PDCD1: variants seen among roughly 807,000 people sequenced by gnomAD.
PDCD1 encodes programmed cell death protein 1.
A neutral mutation model predicts 23.6 loss-of-function variants in PDCD1; 10 were observed. The observed-to-expected ratio is 0.42, with a 90% CI of 0.26 to 0.72. The LOEUF is 0.72. Ranked by LOEUF, PDCD1 falls within the 30% of genes least tolerant of loss-of-function variation. PDCD1 has a pLI of 0.24. For missense variants in PDCD1, 313 were observed against 397.8 expected (o/e 0.79, Z 1.81); for synonymous variants, 168 against 169.3 (o/e 0.99, Z 0.06).
intron 1 of PDCD1, among the ~76,000 whole-genome samples, chr2:241,854,678 GCCCT>G (rs943432028): frequency 6.6e-6 from 1 of 152,116 alleles, no homozygotes; most frequent in African/African-American, 2.4e-5. Context: ...GAAATGCCCT[GCCCT>G]CTGGGTTTCT....
chr2:241,852,005 G>A, intron 3 of PDCD1, 22 bp from the exon 4 acceptor site: 1 of 1,610,586 alleles, frequency 6.2e-7, no homozygotes, highest in East Asian at 2.2e-5. Flanking sequence ...CACACTTGGG[G>A]TCACCAGGCC....
At chr2:241,855,922 TC>T (rs1382859985) in intron 1 of PDCD1, among the ~76,000 whole-genome samples, 4 of 152,056 alleles carry the variant, frequency 2.6e-5, no homozygotes, top group Non-Finnish European at 4.4e-5. Flanking sequence ...TATGTGGAAG[TC>T]CTAACCCCAT....
chr2:241,851,971 G>T lies in PDCD1; in HGVS notation c.605C>A (p.Ala202Asp), dbSNP rs751280778. The T allele has an allele frequency of 1.2e-6, 2 of 1,613,602 alleles. No individual in the cohort carries two copies. The highest frequency in any genetic ancestry group is 1.7e-6 in the Non-Finnish European group (2 of 1,179,854). Residue 202 changes from alanine to aspartate, a missense_variant, in exon 4 of 5, where the codon GCC becomes GAC. Transcript: ENST00000334409. ...CSRAARGTIGARRTGQPLKED... is the reference protein window; with the variant it reads ...CSRAARGTIGDRRTGQPLKED... The stretch of plus-strand genomic sequence containing the variant: ...CACCAGGGGCTGGCCGGTGCGCCTG[G>T]CTCCTATTGTCCCTGCAGAGAAACA...
rs55721013 is a variant in PDCD1, at chr2:241,850,620, G to A, written c.*438C>T. ...GGCGTTTCGGGATGCCACTGCCAGG[G>A]GCACCTTGGCTGCTCCAAGGCCATC... On this transcript the variant is annotated 3_prime_UTR_variant, in exon 5 of 5. Coordinates refer to ENST00000334409, the MANE Select transcript of PDCD1 (RefSeq NM_005018.3). The A allele has an allele frequency of 2.3e-6, 1 of 443,978 alleles. No individual in the cohort carries two copies. Among genetic ancestry groups the A allele is most frequent in the African/African-American group, 2.0e-5 (1 of 51,158 alleles). 27.5% of individuals were successfully genotyped at this position (443,978 alleles called of 1,614,324 possible).
At position 241,851,010 on chromosome 2, in the gene PDCD1, G is replaced by A. The variant is rs752982737; in HGVS notation, c.*48C>T. The stretch of plus-strand genomic sequence containing the variant: ...TTCTCCTGAGGAAATGCGCTGACCC[G>A]GGCTCATGGTGGAGGGTCTGCAGAA... On this transcript the variant is annotated 3_prime_UTR_variant, in exon 5 of 5. Transcript: ENST00000334409. 7 of 1,576,842 alleles carry A rather than the reference G, an allele frequency of 4.4e-6. No homozygotes were observed. The highest frequency in any genetic ancestry group is 1.7e-5 in the Admixed American group (1 of 57,688).
At chr2:241,851,821 G>A (rs1700908857) in intron 4 of PDCD1, 128 bp downstream of exon 4, 1 of 963,874 alleles carries the variant, frequency 1.0e-6, no homozygotes, top group Non-Finnish European at 1.7e-6. Flanking sequence ...CTGGGGGCTG[G>A]GGAGGTGGGG....
intron 3 of PDCD1, 103 bp from the exon 4 acceptor site, chr2:241,852,086 GAGA>G: frequency 8.4e-7 from 1 of 1,188,078 alleles, no homozygotes; most frequent in Admixed American, 2.4e-5. Flanking sequence ...GCCTGGCGGG[GAGA>G]TGGGGGGAGG....
chr2:241,857,408 G>C (rs998253467), intron 1 of PDCD1, among the ~76,000 whole-genome samples: 1 of 152,182 alleles, frequency 6.6e-6, no homozygotes, highest in African/African-American at 2.4e-5. Flanking sequence ...TCCCGCCTGG[G>C]TCGGGGAGGG....
chr2:241,849,912 T>C lies in PDCD1; in HGVS notation c.*1146A>G. On this transcript the variant is annotated 3_prime_UTR_variant, in exon 5 of 5. Transcript: ENST00000334409. ...GCATGCTCTCATATTTAATTATAAT[T>C]ATAATATAATAGAACCACAGGGAAG... 1 of 184,936 alleles carries C rather than the reference T, an allele frequency of 5.4e-6. No individual in the cohort carries two copies. The highest frequency in any genetic ancestry group is 2.0e-4 in the South Asian group (1 of 5,100). 11.5% of individuals were successfully genotyped at this position (184,936 alleles called of 1,614,324 possible).
Position 241,852,905 on chromosome 2 carries a change from G to T in PDCD1, c.152C>A (p.Thr51Asn). Reference sequence around the variant, plus strand: ...TGTGTTGGAGAAGCTGCAGGTGAAGGTGGCGTTGTCCCCTTCGGTCACCAC... The same window carrying T: ...TGTGTTGGAGAAGCTGCAGGTGAAGTTGGCGTTGTCCCCTTCGGTCACCAC... The part of the protein sequence containing the change: ...LLVVTEGDNA[T>N]FTCSFSNTSE... Residue 51 changes from threonine (T) to asparagine (N), a missense_variant, in exon 2 of 5, where the codon ACC becomes AAC. By Grantham distance (65) the Thr-to-Asn change is moderately conservative. Transcript: ENST00000334409. 6.3e-7 allele frequency: 1 copy of T among 1,598,208 alleles called. No homozygotes were observed. The highest frequency in any genetic ancestry group is 8.5e-7 in the Non-Finnish European group (1 of 1,178,808).
rs111342944 is a variant in PDCD1, at chr2:241,852,000, T to G, written c.593-17A>C. The G allele has an allele frequency of 1.7e-4, 271 of 1,609,604 alleles. 1 individual carries two copies. The African/African-American group carries it at 3.1e-3, about 19-fold the overall frequency. ...CTATTGTCCCTGCAGAGAAACACACTTGGGGTCACCAGGCCGACCCTGAGC... is the reference window on the plus strand; with the variant it reads ...CTATTGTCCCTGCAGAGAAACACACGTGGGGTCACCAGGCCGACCCTGAGC... On this transcript the variant is annotated splice_polypyrimidine_tract_variant and intron_variant, in intron 3 of 4. Transcript: ENST00000334409.
intron 2 of PDCD1, 95 bp downstream of exon 2, chr2:241,852,526 C>T: frequency 1.4e-6 from 2 of 1,447,642 alleles, no homozygotes; most frequent in Non-Finnish European, 1.9e-6. Flanking sequence ...GGGTCCCTGC[C>T]CTACGACCCT....
chr2:241,853,359 G>A (rs1260759106), intron 1 of PDCD1, among the ~76,000 whole-genome samples: 1 of 152,256 alleles, frequency 6.6e-6, no homozygotes, highest in Non-Finnish European at 1.5e-5. Flanking sequence ...CTCTGGCACA[G>A]GGGAGTGTAA....
At chr2:241,855,685 TG>T (rs1405040236) in intron 1 of PDCD1, among the ~76,000 whole-genome samples, 1 of 152,194 alleles carries the variant, frequency 6.6e-6, no homozygotes. Context: ...GAAGGCTGCC[TG>T]CCCCGGGCGG....
intron 1 of PDCD1, among the ~76,000 whole-genome samples, chr2:241,857,857 C>CA (rs1361752914): frequency 6.6e-6 from 1 of 152,070 alleles, no homozygotes; most frequent in East Asian, 1.9e-4. Context: ...CGGTACCCAG[C>CA]AGGGCCCAGA....
At chr2:241,856,107 G>A (rs1432857836) in intron 1 of PDCD1, among the ~76,000 whole-genome samples, 3 of 152,148 alleles carry the variant, frequency 2.0e-5, no homozygotes, top group Non-Finnish European at 2.9e-5. Flanking sequence ...AACACAGAGG[G>A]TGGCCACAAA....
rs929112759 is a variant in PDCD1 at position 241,852,416 on chromosome 2, G to A, written c.437-63C>T. On this transcript the variant is annotated intron_variant, in intron 2 of 4. Transcript: ENST00000334409. ...AGGGTGGAGGGTCAGGGTCAGGGGT[G>A]AGGGCAGACTAGAGGGGCTGGGGTG... The A allele has an allele frequency of 9.8e-6, 12 of 1,224,344 alleles. No individual in the cohort carries two copies. The African/African-American group carries it at 1.5e-4, about 15-fold the overall frequency. 75.8% of individuals were successfully genotyped at this position (1,224,344 alleles called of 1,614,324 possible).
At chr2:241,855,325 C>T (rs1009016328) in intron 1 of PDCD1, among the ~76,000 whole-genome samples, 18 of 152,108 alleles carry the variant, frequency 1.2e-4, no homozygotes, top group Admixed American at 1.1e-3. Flanking sequence ...GCGACCCCCA[C>T]GCAGGGCCTG....
At chr2:241,855,094 C>A (rs1360334935) in intron 1 of PDCD1, among the ~76,000 whole-genome samples, 1 of 152,210 alleles carries the variant, frequency 6.6e-6, no homozygotes, top group African/African-American at 2.4e-5. Context: ...GGGCCTCAAG[C>A]CAGGACCCTG....
Sources: allele counts gnomAD v4.1 joint callset (sites outside exome capture counted in the v4.1 genomes callset), GRCh38; gene constraint gnomAD v4.1.1; transcripts MANE v1.5; gene names NCBI Gene and HGNC (gene_info 2026-07-23, HGNC 2026-07-21).